Variants in TIAM2 observed in about 807,000 individuals in gnomAD.
The protein encoded by TIAM2 is TIAM Rac1 associated GEF 2, also known as rho guanine nucleotide exchange factor TIAM2.
Under a neutral mutation model 152.9 loss-of-function variants are expected in TIAM2, and 80 were observed. The ratio of observed to expected loss-of-function variants is 0.52; its 90% CI spans 0.44 to 0.63. TIAM2 has a LOEUF of 0.63. Among genes scored for constraint, TIAM2 ranks in the 30% least tolerant of loss-of-function variants. The pLI, the probability that TIAM2 is intolerant of heterozygous loss-of-function variation, is 0.00. For synonymous variants in TIAM2, 804 were observed against 838.0 expected (o/e 0.96, Z 0.70); for missense variants, 1,965 against 2,120.1 (o/e 0.93, Z 1.44).
At chr6:155,132,617 C>G (rs1779472721) in intron 4 of TIAM2, among the ~76,000 whole-genome samples, 1 of 152,214 alleles carries the variant, frequency 6.6e-6, no homozygotes, top group Non-Finnish European at 1.5e-5. Context: ...TCCTAAACAA[C>G]TGATCCCCAC....
chr6:155,029,452 A>AC (rs1776756614), intron 1 of TIAM2, among the ~76,000 whole-genome samples: 3 of 47,668 alleles, frequency 6.3e-5, no homozygotes, highest in African/African-American at 3.0e-4. Context: ...ACTATAGTAT[A>AC]TATTATATAT....
intron 2 of TIAM2, among the ~76,000 whole-genome samples, chr6:155,096,713 C>T (rs1214793384): frequency 5.3e-5 from 8 of 152,088 alleles, no homozygotes; most frequent in Non-Finnish European, 1.0e-4. Flanking sequence ...AATAATAATC[C>T]ATTATGTATA....
At chr6:155,025,297 C>T (rs1776578433) in intron 1 of TIAM2, among the ~76,000 whole-genome samples, 1 of 151,836 alleles carries the variant, frequency 6.6e-6, no homozygotes. Flanking sequence ...GGGTTCACGC[C>T]ATTCTCCTGC....
intron 8 of TIAM2, 89 bp downstream of exon 8, chr6:155,164,689 T>A (rs1780373327): frequency 6.7e-7 from 1 of 1,485,998 alleles, no homozygotes; most frequent in Admixed American, 1.8e-5. Context: ...TCGGCACTTG[T>A]GGGGCTTGAC....
intron 1 of TIAM2, among the ~76,000 whole-genome samples, chr6:155,011,897 C>T (rs73001052): frequency 0.011 from 1,641 of 152,200 alleles, 12 homozygotes; most frequent in Non-Finnish European, 0.018. Flanking sequence ...CCAGATGGTG[C>T]GTAGCTACTG....
At position 155,165,395 on chromosome 6, in the gene TIAM2, CCTT is replaced by C. The variant is rs1562338546; in HGVS notation, c.2350_2352del (p.Ser784del). 2 of 1,612,242 alleles carry C rather than the reference CCTT, an allele frequency of 1.2e-6. No homozygotes were observed. The highest frequency in any genetic ancestry group is 3.4e-5 in the Admixed American group (2 of 59,510). On this transcript the variant is annotated inframe_deletion, in exon 9 of 27. Transcript: ENST00000682666. ...GGCCAGAAAAGGCAAGGAGAAGAGA[CCTT>C]CTATAACTCAGGTGAGCTTTTCAGC...
At chr6:155,119,549 G>C (rs1303563096) in intron 2 of TIAM2, among the ~76,000 whole-genome samples, 1 of 152,084 alleles carries the variant, frequency 6.6e-6, no homozygotes, top group Non-Finnish European at 1.5e-5. Context: ...ATGTTGGCCA[G>C]GCTGGTCTCA....
chr6:155,095,333 T>A (rs530297320), intron 2 of TIAM2, among the ~76,000 whole-genome samples: 50 of 152,334 alleles, frequency 3.3e-4, no homozygotes, highest in South Asian at 1.7e-3. Flanking sequence ...TGTTTTGCTT[T>A]ACAAGAGTGA....
intron 1 of TIAM2, among the ~76,000 whole-genome samples, chr6:155,038,076 T>TTA (rs1315052838): frequency 6.6e-6 from 1 of 152,140 alleles, no homozygotes; most frequent in Admixed American, 6.5e-5. Flanking sequence ...ATAAGGAGCA[T>TTA]TAAAACAAAC....
intron 1 of TIAM2, among the ~76,000 whole-genome samples, chr6:155,071,889 CTG>C (rs1450041913): frequency 2.2e-5 from 3 of 133,944 alleles, no homozygotes; most frequent in Admixed American, 7.8e-5. Flanking sequence ...GAGGGAAACT[CTG>C]TGTCAAAAAA....
At chr6:155,242,683 A>G (rs759576616) in intron 16 of TIAM2, among the ~76,000 whole-genome samples, 3 of 152,198 alleles carry the variant, frequency 2.0e-5, no homozygotes, top group Non-Finnish European at 4.4e-5. Context: ...TCTTCAGAAT[A>G]AAAGAGAAAT....
chr6:155,177,721 A>G (rs1007285782), intron 10 of TIAM2, among the ~76,000 whole-genome samples: 1 of 152,222 alleles, frequency 6.6e-6, no homozygotes, highest in African/African-American at 2.4e-5. Flanking sequence ...TTTGACTTGA[A>G]ACATTAGGAT....
chr6:155,068,608 C>A (rs974196247), intron 1 of TIAM2, among the ~76,000 whole-genome samples: 1 of 150,212 alleles, frequency 6.7e-6, no homozygotes, highest in Admixed American at 6.6e-5. Flanking sequence ...ACCCGCCCCC[C>A]CATCACGTCT....
chr6:155,217,809 T>C (rs1781899777), intron 15 of TIAM2, among the ~76,000 whole-genome samples: 1 of 152,230 alleles, frequency 6.6e-6, no homozygotes, highest in Admixed American at 6.5e-5. Flanking sequence ...ATAATTGATA[T>C]ATTTTGTCCT....
chr6:155,013,117 C>T (rs1030012139), intron 1 of TIAM2, among the ~76,000 whole-genome samples: 2 of 152,100 alleles, frequency 1.3e-5, no homozygotes, highest in African/African-American at 4.8e-5. Flanking sequence ...TGTTGCTCCT[C>T]CTAACTGGGG....
chr6:155,252,881 C>T (rs1484611015), intron 23 of TIAM2, 67 bp from the exon 24 acceptor site: 2 of 1,414,558 alleles, frequency 1.4e-6, no homozygotes, highest in Non-Finnish European at 2.0e-6. Context: ...CTTCTATTCA[C>T]TGTGCACACA....
chr6:155,021,088 C>G (rs1776471284), intron 1 of TIAM2, among the ~76,000 whole-genome samples: 1 of 152,066 alleles, frequency 6.6e-6, no homozygotes, highest in Admixed American at 6.6e-5. Context: ...AAATAATATT[C>G]CCTTGTCTCT....
intron 14 of TIAM2, among the ~76,000 whole-genome samples, chr6:155,196,118 C>T (rs896881018): frequency 2.6e-5 from 4 of 151,966 alleles, no homozygotes; most frequent in East Asian, 1.9e-4. Context: ...GTCACCCAGG[C>T]GAGAGGTGAG....
At chr6:155,141,343 T>C (rs1336875943) in intron 5 of TIAM2, among the ~76,000 whole-genome samples, 1 of 152,174 alleles carries the variant, frequency 6.6e-6, no homozygotes, top group East Asian at 1.9e-4. Flanking sequence ...CAAGTTGTAA[T>C]GTTTGGACTT....
Sources: gnomAD v4.1 joint callset for allele counts (sites outside exome capture counted in the v4.1 genomes callset) on GRCh38, gnomAD v4.1.1 for gene constraint, MANE v1.5 for transcripts, NCBI Gene and HGNC (gene_info 2026-07-23, HGNC 2026-07-21) for gene names.